PREPL: variants seen among roughly 807,000 people sequenced by gnomAD.
The protein encoded by PREPL is prolyl endopeptidase-like.
PREPL carries 77 observed loss-of-function variants against 70.6 expected under a neutral mutation model. The observed-to-expected ratio is 1.09, with a 90% CI of 0.91 to 1.32. The LOEUF is 1.32. Among genes scored for constraint, PREPL ranks in the 40% most tolerant of loss-of-function variants. The pLI, the probability that PREPL is intolerant of heterozygous loss-of-function variation, is 0.00. For missense variants in PREPL, 1,002 were observed against 778.2 expected, an observed-to-expected ratio of 1.29 and a Z score of -3.42; for synonymous variants, 315 against 264.8, an observed-to-expected ratio of 1.19 and a Z score of -1.84.
chr2:44,345,380 CT>C (rs1675686458), intron 2 of PREPL, among the ~76,000 whole-genome samples: 1 of 151,632 alleles, frequency 6.6e-6, no homozygotes, highest in South Asian at 2.1e-4. Context: ...GAGACAGAGT[CT>C]TGCTCTGTCA....
intron 10 of PREPL, 103 bp from the exon 11 acceptor site, chr2:44,323,514 A>G (rs1673191203): frequency 1.1e-6 from 1 of 929,334 alleles, no homozygotes; most frequent in South Asian, 2.4e-5. Context: ...ATGAGAGAAA[A>G]TAACTCAAGC....
chr2:44,359,216 T>C (rs1256480159), intron 1 of PREPL, among the ~76,000 whole-genome samples: 1 of 151,806 alleles, frequency 6.6e-6, no homozygotes, highest in East Asian at 1.9e-4. Context: ...TACAGGTGGG[T>C]GCCATGACGC....
chr2:44,336,992 T>C lies in PREPL; in HGVS notation c.888+1359A>G, dbSNP rs977802486. 5.3e-5 allele frequency among the ~76,000 whole-genome samples: 8 copies of C among 152,346 alleles called. No homozygotes were observed. In the South Asian group the frequency reaches 1.4e-3, roughly 28 times the overall value. ...CTTTTTGGTTTAGTGTATCCTAATA[T>C]GGCTGCCACTCCTCAAACCATTCCC... On this transcript the variant is annotated intron_variant, in intron 7 of 13. Transcript: ENST00000409411.
At chr2:44,341,756 A>G (rs1675251933) in intron 5 of PREPL, among the ~76,000 whole-genome samples, 1 of 151,922 alleles carries the variant, frequency 6.6e-6, no homozygotes, top group Admixed American at 6.6e-5. Context: ...AAAAAAAACC[A>G]TTGTTAGTAC....
chr2:44,321,535 T>A, intron 13 of PREPL, 90 bp from the exon 14 acceptor site: 1 of 1,537,560 alleles, frequency 6.5e-7, no homozygotes, highest in Non-Finnish European at 8.8e-7. Context: ...CATCTTTACC[T>A]AACCGTGAAG....
rs746233676 is a variant in PREPL at position 44,319,383 on chromosome 2, A to G, written c.*1973T>C. On this transcript the variant is annotated 3_prime_UTR_variant, in exon 14 of 14. Transcript: ENST00000409411. ...CTGATAATCTATCTTAAGTAATACA[A>G]AAATGGGGGGAGGGGAATAAAAATA... The G allele has an allele frequency of 2.0e-5, 3 of 152,624 alleles. No individual in the cohort carries two copies. Among genetic ancestry groups the G allele is most frequent in the Non-Finnish European group, 4.4e-5 (3 of 68,030 alleles). 9.5% of individuals were successfully genotyped at this position (152,624 alleles called of 1,614,324 possible).
chr2:44,332,499 G>C lies in PREPL; in HGVS notation c.1046C>G (p.Thr349Arg), dbSNP rs1250247364. The change falls in exon 8 of 14, where the codon ACA becomes AGA. Residue 349 changes from threonine to arginine, a missense_variant. Physicochemically the swap from Thr to Arg is moderately conservative, Grantham distance 71. Transcript: ENST00000409411. Reference protein sequence around the residue: ...FEETGHEDPITKTSRVLRLEA... With the variant: ...FEETGHEDPIRKTSRVLRLEA... Reference sequence around the variant, plus strand: ...TAGACGTAAAACGCGACTAGTCTTTGTGATTGGGTCTTCATGCCCAGTTTC... The same window carrying C: ...TAGACGTAAAACGCGACTAGTCTTTCTGATTGGGTCTTCATGCCCAGTTTC... 2 of 1,613,958 alleles carry C rather than the reference G, an allele frequency of 1.2e-6. No homozygotes were observed.
In PREPL at chr2:44,328,268, C is replaced by CAAAAAA. The variant is rs1202363557; in HGVS notation, c.1262+663_1262+668dup. On this transcript the variant is annotated intron_variant, in intron 9 of 13. Coordinates refer to ENST00000409411, the MANE Select transcript of PREPL (RefSeq NM_001171613.2). The stretch of plus-strand genomic sequence containing the variant: ...TGGGCGACAGAGCAAGATTCTATCT[C>CAAAAAA]AAAAAAAAAAAAAAAAAAATTCAGA... Among the ~76,000 whole-genome samples the CAAAAAA allele has an allele frequency of 6.8e-5, 7 of 102,882 alleles. 1 individual carries two copies. The highest frequency in any genetic ancestry group is 1.3e-4 in the Non-Finnish European group (7 of 53,640). The allele number at this position is 102,882 out of a possible 152,430, so 67.5% of individuals were successfully genotyped here.
In PREPL at chr2:44,347,154, G is replaced by A. The variant is rs957710136; in HGVS notation, c.-48-764C>T. On this transcript the variant is annotated intron_variant, in intron 1 of 13. Transcript: ENST00000409411. Reference sequence around the variant, plus strand: ...AAGACCAGCCTGGGCAACATAGCGAGACCCCGTCTCTATAAAAAAATACAA... The same window carrying A: ...AAGACCAGCCTGGGCAACATAGCGAAACCCCGTCTCTATAAAAAAATACAA... 2.0e-4 allele frequency: 30 copies of A among 151,970 alleles called. 1 individual carries two copies. The highest frequency in any genetic ancestry group is 6.5e-4 in the African/African-American group (27 of 41,428). 9.4% of individuals were successfully genotyped at this position (151,970 alleles called of 1,614,324 possible).
At chr2:44,330,750 A>G (rs572439316) in intron 8 of PREPL, among the ~76,000 whole-genome samples, 5 of 152,320 alleles carry the variant, frequency 3.3e-5, no homozygotes, top group African/African-American at 1.2e-4. Flanking sequence ...CTAAAGTCTG[A>G]GGTTTCCTTA....
At chr2:44,344,650 T>C in intron 2 of PREPL, 64 bp from the exon 3 acceptor site, 1 of 1,242,446 alleles carries the variant, frequency 8.0e-7, no homozygotes, top group East Asian at 2.5e-5. Flanking sequence ...AGTCTGACTA[T>C]TCAAGATGAA....
rs964217884 is a variant in PREPL at position 44,342,295 on chromosome 2, C to T, written c.485+122G>A. The T allele has an allele frequency of 3.2e-5, 27 of 831,784 alleles. 1 individual carries two copies. Among genetic ancestry groups the T allele is most frequent in the Non-Finnish European group, 4.4e-5 (25 of 570,548 alleles). 51.5% of individuals were successfully genotyped at this position (831,784 alleles called of 1,614,324 possible). ...TACAAACAACTAATAAAAGAATGAT[C>T]GTTTTAGCCTTATTATTCCTGGTTC... On this transcript the variant is annotated intron_variant, in intron 5 of 13. Transcript: ENST00000409411.
chr2:44,337,520 G>T (rs1187016362), intron 7 of PREPL, among the ~76,000 whole-genome samples: 1 of 152,168 alleles, frequency 6.6e-6, no homozygotes, highest in East Asian at 1.9e-4. Context: ...GACTGAAATT[G>T]CATTTTTACA....
In PREPL at chr2:44,321,454, AAC is replaced by A. The variant is rs758683890; in HGVS notation, c.1828-11_1828-10del. 3 of 1,609,438 alleles carry A rather than the reference AAC, an allele frequency of 1.9e-6. No homozygotes were observed. Among genetic ancestry groups the A allele is most frequent in the South Asian group, 2.2e-5 (2 of 90,772 alleles). On this transcript the variant is annotated splice_polypyrimidine_tract_variant and intron_variant, in intron 13 of 13. Transcript: ENST00000409411. Reference sequence around the variant, plus strand: ...TTAATTTGGGCTGTAATCTAAAAGAAACACATTAAAAAAATTAAATAGAAGGC... The same window carrying A: ...TTAATTTGGGCTGTAATCTAAAAGAAACATTAAAAAAATTAAATAGAAGGC...
intron 9 of PREPL, 147 bp from the exon 10 acceptor site, chr2:44,327,075 G>C (rs1673580692): frequency 1.5e-6 from 1 of 673,242 alleles, no homozygotes; most frequent in Non-Finnish European, 2.6e-6. Context: ...GTGAAAACAA[G>C]GAATGTGCAA....
At chr2:44,330,769 G>C (rs1455948666) in intron 8 of PREPL, among the ~76,000 whole-genome samples, 1 of 152,090 alleles carries the variant, frequency 6.6e-6, no homozygotes, top group African/African-American at 2.4e-5. Flanking sequence ...TAAATTCAAG[G>C]CTATAGTTTA....
chr2:44,343,090 A>G (rs80279117), intron 4 of PREPL, among the ~76,000 whole-genome samples: 10,861 of 152,288 alleles, frequency 0.071, 483 homozygotes, highest in South Asian at 0.13. Context: ...TCATCATTGT[A>G]TAATATGCAC....
At position 44,320,860 on chromosome 2, in the gene PREPL, A is replaced by G. The variant is rs564137397; in HGVS notation, c.*496T>C. The G allele has an allele frequency of 3.6e-6, 2 of 561,788 alleles. No homozygotes were observed. Among genetic ancestry groups the G allele is most frequent in the Non-Finnish European group, 6.3e-6 (2 of 315,598 alleles). 34.8% of individuals were successfully genotyped at this position (561,788 alleles called of 1,614,324 possible). A position where few individuals can be genotyped will look rare whatever the true frequency, so the allele number is the denominator to read the frequency against. On this transcript the variant is annotated 3_prime_UTR_variant, in exon 14 of 14. Transcript: ENST00000409411. Reference sequence around the variant, plus strand: ...TAGGAGCTTATAACTTTATTCAGATAGCATCAATCAGGGATGACCAGAACA... The same window carrying G: ...TAGGAGCTTATAACTTTATTCAGATGGCATCAATCAGGGATGACCAGAACA...
Position 44,342,506 on chromosome 2 carries a change from G to C in PREPL, c.396C>G (p.Phe132Leu). The change falls in exon 5 of 14, where the codon TTC (phenylalanine) becomes TTG (leucine). Residue 132 changes from phenylalanine to leucine, a missense_variant. Coordinates refer to ENST00000409411, the MANE Select transcript of PREPL (RefSeq NM_001171613.2). ...EEDEDVLFYT[F>L]QRNLRCHDVY... ...CGTCATGACAGCGAAGGTTCCTCTG[G>C]AAGGTGTAGAATAAAACATCTTCAT... is the stretch of plus-strand genomic sequence containing the variant. 1 of 1,611,868 alleles carries C rather than the reference G, an allele frequency of 6.2e-7. No homozygotes were observed. The highest frequency in any genetic ancestry group is 8.5e-7 in the Non-Finnish European group (1 of 1,178,736).
Sources: gnomAD v4.1 joint callset for allele counts (sites outside exome capture counted in the v4.1 genomes callset) on GRCh38, gnomAD v4.1.1 for gene constraint, MANE v1.5 for transcripts, NCBI Gene and HGNC (gene_info 2026-07-23, HGNC 2026-07-21) for gene names.